Variants in VANGL1 observed in about 807,000 individuals in gnomAD.
VANGL1 encodes VANGL planar cell polarity protein 1.
VANGL1 carries 18 observed loss-of-function variants against 48.4 expected under a neutral mutation model. That is an observed-to-expected ratio of 0.37 (90% confidence interval 0.26 to 0.55). The LOEUF is 0.55. VANGL1 is among the 20% of genes least tolerant of loss of function. The pLI is 0.81. For missense variants in VANGL1, 667 were observed against 675.8 expected (o/e 0.99, Z 0.14); for synonymous variants, 257 against 261.8 (o/e 0.98, Z 0.18).
At position 115,679,113 on chromosome 1, in the gene VANGL1, G is replaced by A. The variant is rs543519353; in HGVS notation, c.813-3251G>A. Reference sequence around the variant, plus strand: ...CTGGGCATCAAACAGACCATCCTCTGTAGGTGAGAGCATGCACACTCTTGG... The same window carrying A: ...CTGGGCATCAAACAGACCATCCTCTATAGGTGAGAGCATGCACACTCTTGG... On this transcript the variant is annotated intron_variant, in intron 4 of 7. Transcript: ENST00000355485. Among the ~76,000 whole-genome samples the A allele has an allele frequency of 2.6e-5, 4 of 152,272 alleles. No individual in the cohort carries two copies. The South Asian group carries it at 8.3e-4, about 32-fold the overall frequency.
chr1:115,660,928 T>G (rs539027345), intron 3 of VANGL1, among the ~76,000 whole-genome samples: 19 of 152,260 alleles, frequency 1.2e-4, no homozygotes, highest in African/African-American at 3.8e-4. Context: ...GGGGCCAGTC[T>G]TAGGATTGGA....
chr1:115,659,670 C>G lies in VANGL1; in HGVS notation c.101C>G (p.Pro34Arg). 6.2e-7 allele frequency: 1 copy of G among 1,613,930 alleles called. No individual in the cohort carries two copies. The highest frequency in any genetic ancestry group is 1.1e-5 in the South Asian group (1 of 91,060). ...GERTRERHKS[P>R]RNKDGRGSEK... ...AGAACTAGAGAGAGACACAAGTCAC[C>G]CCGGAATAAAGACGGCAGAGGGTCA... The change falls in exon 3 of 8, where the codon CCC (proline) becomes CGC (arginine). Residue 34 changes from proline (P) to arginine (R), a missense_variant. Pro to Arg is a moderately radical substitution (Grantham distance 103). Coordinates refer to ENST00000355485, the MANE Select transcript of VANGL1 (RefSeq NM_138959.3).
chr1:115,654,560 C>G (rs911401500), intron 2 of VANGL1, among the ~76,000 whole-genome samples: 1 of 145,482 alleles, frequency 6.9e-6, no homozygotes, highest in Non-Finnish European at 1.5e-5. Flanking sequence ...TATTTCATAA[C>G]TAAATCTGAT....
chr1:115,659,794 G>A (rs779351997), intron 3 of VANGL1, 21 bp downstream of exon 3: 1 of 1,614,080 alleles, frequency 6.2e-7, no homozygotes, highest in Non-Finnish European at 8.5e-7. Context: ...AAGGTGGTCT[G>A]TAAGCACACT....
chr1:115,688,003 T>C (rs188816851), intron 7 of VANGL1, among the ~76,000 whole-genome samples: 4 of 119,824 alleles, frequency 3.3e-5, no homozygotes, highest in Non-Finnish European at 5.5e-5. Context: ...CATAGATAGA[T>C]ACATAGATAG....
At chr1:115,674,018 G>C (rs1020738410) in intron 4 of VANGL1, among the ~76,000 whole-genome samples, 21 of 152,120 alleles carry the variant, frequency 1.4e-4, no homozygotes, top group Admixed American at 2.6e-4. Flanking sequence ...CAAATTTTGG[G>C]AGACACTATT....
At chr1:115,667,401 C>T (rs1272340039) in intron 4 of VANGL1, among the ~76,000 whole-genome samples, 2 of 152,134 alleles carry the variant, frequency 1.3e-5, no homozygotes, top group Non-Finnish European at 2.9e-5. Flanking sequence ...AAGTAAGATA[C>T]CATAAATAGA....
At chr1:115,653,188 G>T (rs1415596347) in intron 2 of VANGL1, among the ~76,000 whole-genome samples, 2 of 152,022 alleles carry the variant, frequency 1.3e-5, no homozygotes, top group Non-Finnish European at 2.9e-5. Flanking sequence ...ATCAAAATTT[G>T]GGGAAAACAT....
intron 2 of VANGL1, among the ~76,000 whole-genome samples, chr1:115,654,653 T>C (rs1652278859): frequency 6.6e-6 from 1 of 152,156 alleles, no homozygotes; most frequent in Non-Finnish European, 1.5e-5. Flanking sequence ...GGCTCTGCCA[T>C]GTCACCACAG....
In VANGL1 at chr1:115,696,885, A is replaced by C. The variant is rs906454365; in HGVS notation, c.*5506A>C. ...TAGTGGAAGAAAGACACTTACTTTA[A>C]GCTTTGGGGACAAAGGTGACAAACC... On this transcript the variant is annotated 3_prime_UTR_variant, in exon 8 of 8. Transcript: ENST00000355485. The C allele has an allele frequency of 7.9e-5, 12 of 152,214 alleles. No homozygotes were observed. The highest frequency in any genetic ancestry group is 2.4e-4 in the African/African-American group (10 of 41,454). The allele number at this position is 152,214 out of a possible 1,614,324, so 9.4% of individuals were successfully genotyped here.
chr1:115,648,866 T>C (rs895640328), intron 1 of VANGL1, among the ~76,000 whole-genome samples: 3 of 152,144 alleles, frequency 2.0e-5, no homozygotes, highest in Non-Finnish European at 4.4e-5. Context: ...TCCAGAGTTA[T>C]GGGTTGCAAG....
rs540459680 is a variant in VANGL1, at chr1:115,669,729, T to G, written c.812+5461T>G. ...AACTGTGAGTCCATTAAACCTCTTT[T>G]TCTATATAAATTACCCAGTCTTGGG... On this transcript the variant is annotated intron_variant, in intron 4 of 7. Transcript: ENST00000355485. Among the ~76,000 whole-genome samples the G allele has an allele frequency of 7.2e-5, 11 of 152,318 alleles. No individual in the cohort carries two copies. In the South Asian group the frequency reaches 2.3e-3, roughly 32 times the overall value.
rs1232407743 is a variant in VANGL1, at chr1:115,693,793, CA to C, written c.*2416del. On this transcript the variant is annotated 3_prime_UTR_variant, in exon 8 of 8. Coordinates refer to ENST00000355485, the MANE Select transcript of VANGL1 (RefSeq NM_138959.3). The stretch of plus-strand genomic sequence containing the variant: ...TAAGGTTTCAGAAAGCTGCATCCCA[CA>C]ATTGAACACAATGCATTTTTATTTC... 6.6e-6 allele frequency: 1 copy of C among 152,220 alleles called. No homozygotes were observed. Among genetic ancestry groups the C allele is most frequent in the East Asian group, 1.9e-4 (1 of 5,200 alleles). 9.4% of individuals were successfully genotyped at this position (152,220 alleles called of 1,614,324 possible). A position where few individuals can be genotyped will look rare whatever the true frequency, so the allele number is the denominator to read the frequency against.
At chr1:115,659,202 A>C (rs111429758) in intron 2 of VANGL1, among the ~76,000 whole-genome samples, 1 of 152,050 alleles carries the variant, frequency 6.6e-6, no homozygotes, top group Non-Finnish European at 1.5e-5. Context: ...TATTCTACAA[A>C]AAAATAGATA....
At chr1:115,657,865 A>G (rs10923132) in intron 2 of VANGL1, among the ~76,000 whole-genome samples, 44,970 of 151,832 alleles carry the variant, frequency 0.3, 8,265 homozygotes, top group African/African-American at 0.53. Flanking sequence ...AAAGTGAAGC[A>G]GTAGCAGGCA....
chr1:115,658,826 G>A (rs1652438244), intron 2 of VANGL1, among the ~76,000 whole-genome samples: 1 of 152,130 alleles, frequency 6.6e-6, no homozygotes, highest in Admixed American at 6.5e-5. Flanking sequence ...GGAATTTCAT[G>A]AGTGACCCCC....
chr1:115,647,014 AAGG>A (rs1651966138), intron 1 of VANGL1, among the ~76,000 whole-genome samples: 2 of 152,242 alleles, frequency 1.3e-5, no homozygotes, highest in African/African-American at 2.4e-5. Context: ...GGGGCTAGAG[AAGG>A]AGGAGGGAGC....
rs1653836893 is a variant in VANGL1, at chr1:115,691,526, G to T, written c.*147G>T. 9 of 923,534 alleles carry T rather than the reference G, an allele frequency of 9.7e-6. No individual in the cohort carries two copies. The South Asian group carries it at 1.4e-4, about 14-fold the overall frequency. The allele number at this position is 923,534 out of a possible 1,614,324, so 57.2% of individuals were successfully genotyped here. On this transcript the variant is annotated 3_prime_UTR_variant, in exon 8 of 8. Transcript: ENST00000355485. The stretch of plus-strand genomic sequence containing the variant: ...ATTGACCAGTATCCTTTGACCATCT[G>T]CACTTTATTTGGAAGGAAGCAGGGG...
intron 4 of VANGL1, among the ~76,000 whole-genome samples, chr1:115,678,951 CAAAA>C (rs561934640): frequency 8.2e-6 from 1 of 121,828 alleles, no homozygotes; most frequent in Non-Finnish European, 1.8e-5. Flanking sequence ...GAGACTGTCT[CAAAA>C]AAAAAAAAAA....
Sources: gnomAD v4.1 joint callset for allele counts (sites outside exome capture counted in the v4.1 genomes callset) on GRCh38, gnomAD v4.1.1 for gene constraint, MANE v1.5 for transcripts, NCBI Gene and HGNC (gene_info 2026-07-23, HGNC 2026-07-21) for gene names.